The following CCDC102B variants were observed in gnomAD, a reference collection of about 807,000 sequenced individuals.
CCDC102B encodes coiled-coil domain containing 102B, also known as coiled-coil domain-containing protein 102B.
A neutral mutation model predicts 57.4 loss-of-function variants in CCDC102B; 75 were observed. The ratio of observed to expected loss-of-function variants is 1.31; its 90% CI spans 1.08 to 1.58. The LOEUF (loss-of-function observed/expected upper bound fraction) is 1.58, where lower values mean the gene tolerates loss of function less well. CCDC102B is among the 40% of genes most tolerant of loss of function. The pLI is 0.00. For missense variants in CCDC102B, 636 were observed against 582.6 expected (o/e 1.09, Z -0.94); for synonymous variants, 206 against 201.9 (o/e 1.02, Z -0.17).
At chr18:68,839,133 A>G (rs1478504798) in intron 3 of CCDC102B, 2 of 572,286 alleles carry the variant, frequency 3.5e-6, no homozygotes, top group African/African-American at 3.7e-5. Flanking sequence ...CATTCTTTTA[A>G]GTTGACTTTT....
chr18:68,957,033 C>A (rs1022904030), intron 6 of CCDC102B, among the ~76,000 whole-genome samples: 1 of 151,852 alleles, frequency 6.6e-6, no homozygotes, highest in Admixed American at 6.6e-5. Context: ...TTATTGCTCC[C>A]TTGTCAGATG....
intron 6 of CCDC102B, among the ~76,000 whole-genome samples, chr18:68,985,335 C>T (rs570636163): frequency 2.0e-5 from 3 of 152,148 alleles, no homozygotes; most frequent in South Asian, 4.2e-4. Context: ...TAGTATACAT[C>T]GTTGATACTG....
intron 2 of CCDC102B, among the ~76,000 whole-genome samples, chr18:68,788,874 G>T (rs1160130370): frequency 6.6e-6 from 1 of 152,104 alleles, no homozygotes; most frequent in Non-Finnish European, 1.5e-5. Context: ...CTGTCATTAT[G>T]ATGTTAGCTG....
At chr18:68,993,060 CT>C (rs1311698860) in intron 6 of CCDC102B, 1 of 155,492 alleles carries the variant, frequency 6.4e-6, no homozygotes, top group Non-Finnish European at 1.5e-5. Flanking sequence ...TGCTCAAAAG[CT>C]TTCAGGTCCA....
intron 6 of CCDC102B, among the ~76,000 whole-genome samples, chr18:68,965,359 T>A (rs533657445): frequency 1.5e-3 from 234 of 151,810 alleles, no homozygotes; most frequent in Non-Finnish European, 2.4e-3. Context: ...TATTGATTTT[T>A]AAAATATTTT....
chr18:68,942,769 T>C (rs2049415314), intron 6 of CCDC102B, among the ~76,000 whole-genome samples: 2 of 151,778 alleles, frequency 1.3e-5, no homozygotes, highest in African/African-American at 4.8e-5. Flanking sequence ...TTATCTCAAC[T>C]GCAAAGAGGC....
chr18:69,023,959 T>C (rs991422237), intron 7 of CCDC102B, among the ~76,000 whole-genome samples: 1 of 152,068 alleles, frequency 6.6e-6, no homozygotes, highest in Non-Finnish European at 1.5e-5. Context: ...ATCAATTATC[T>C]TTATGCCAAA....
chr18:69,020,928 CAT>C (rs2051816206), intron 7 of CCDC102B, among the ~76,000 whole-genome samples: 1 of 152,120 alleles, frequency 6.6e-6, no homozygotes, highest in Non-Finnish European at 1.5e-5. Context: ...ACATGGGAAA[CAT>C]AAGATACAAG....
intron 4 of CCDC102B, among the ~76,000 whole-genome samples, chr18:68,864,964 C>T (rs1363699080): frequency 6.6e-6 from 1 of 151,980 alleles, no homozygotes; most frequent in East Asian, 1.9e-4. Flanking sequence ...GCCACTATTC[C>T]TATCAATATG....
At chr18:68,824,352 C>T (rs1196458468) in intron 1 of CCDC102B, among the ~76,000 whole-genome samples, 1 of 152,130 alleles carries the variant, frequency 6.6e-6, no homozygotes, top group African/African-American at 2.4e-5. Context: ...TTTCACAGAT[C>T]GGATGGTTGT....
At chr18:68,778,384 T>C (rs999378856) in intron 2 of CCDC102B, among the ~76,000 whole-genome samples, 2 of 152,160 alleles carry the variant, frequency 1.3e-5, no homozygotes, top group African/African-American at 4.8e-5. Flanking sequence ...TTGCCAGAAA[T>C]CCTTTCTTTT....
intron 5 of CCDC102B, among the ~76,000 whole-genome samples, chr18:68,890,738 A>G (rs2040045068): frequency 6.6e-6 from 1 of 152,136 alleles, no homozygotes; most frequent in South Asian, 2.1e-4. Context: ...TTGTTCATCA[A>G]ATTGTTTTTG....
At chr18:68,723,223 C>G (rs2032436831) in intron 2 of CCDC102B, among the ~76,000 whole-genome samples, 1 of 152,112 alleles carries the variant, frequency 6.6e-6, no homozygotes, top group Non-Finnish European at 1.5e-5. Flanking sequence ...ATTAAACTAT[C>G]TTTACCTGGT....
At chr18:68,926,296 ATATT>A (rs1204688669) in intron 6 of CCDC102B, among the ~76,000 whole-genome samples, 1 of 151,890 alleles carries the variant, frequency 6.6e-6, no homozygotes, top group African/African-American at 2.4e-5. Context: ...TATAATCTCA[ATATT>A]TATAATTTTT....
chr18:68,953,355 CTTTTTTTTTTT>C (rs5825890), intron 6 of CCDC102B, among the ~76,000 whole-genome samples: 4 of 125,536 alleles, frequency 3.2e-5, no homozygotes, highest in African/African-American at 1.2e-4. Flanking sequence ...CAATACTTGT[CTTTTTTTTTTT>C]TTTTTTTTGA....
At chr18:68,867,660 C>T (rs914937059) in intron 4 of CCDC102B, among the ~76,000 whole-genome samples, 1 of 152,072 alleles carries the variant, frequency 6.6e-6, no homozygotes, top group African/African-American at 2.4e-5. Flanking sequence ...GCTGGCCGGG[C>T]GCAGTGGCTC....
At chr18:68,796,631 A>G (rs918325614), upstream of CCDC102B, among the ~76,000 whole-genome samples, 4 of 152,074 alleles carry the variant, frequency 2.6e-5, no homozygotes, top group African/African-American at 9.7e-5. Context: ...GATGCACACC[A>G]AAGGATGGAT....
At chr18:68,940,856 T>G (rs1416422981) in intron 6 of CCDC102B, among the ~76,000 whole-genome samples, 1 of 151,842 alleles carries the variant, frequency 6.6e-6, no homozygotes. Flanking sequence ...AATACCTTTG[T>G]CAGAAAATAG....
At chr18:68,807,286 G>A (rs10503123) in intron 1 of CCDC102B, among the ~76,000 whole-genome samples, 39,399 of 151,916 alleles carry the variant, frequency 0.26, 6,563 homozygotes, top group Non-Finnish European at 0.38. Flanking sequence ...TAACAGGTGT[G>A]AAAATCAGGC....
Sources: allele counts gnomAD v4.1 joint callset (sites outside exome capture counted in the v4.1 genomes callset), GRCh38; gene constraint gnomAD v4.1.1; transcripts MANE v1.5; gene names NCBI Gene and HGNC (gene_info 2026-07-23, HGNC 2026-07-21).